The following PHACTR2 variants were observed in gnomAD, a reference collection of about 807,000 sequenced individuals.
PHACTR2 encodes phosphatase and actin regulator 2, also known as chromosome 6 open reading frame 56.
Under a neutral mutation model 76.0 loss-of-function variants are expected in PHACTR2, and 30 were observed. That is an observed-to-expected ratio of 0.39 (90% CI 0.30 to 0.54). The LOEUF (loss-of-function observed/expected upper bound fraction) is 0.54. Among genes scored for constraint, PHACTR2 ranks in the 20% least tolerant of loss-of-function variants. The probability of loss-of-function intolerance (pLI) is 0.61; values close to 1 mark genes in which losing one functional copy is unlikely to be tolerated. For missense variants in PHACTR2, 696 were observed against 781.1 expected, an observed-to-expected ratio of 0.89 and a Z score of 1.30; for synonymous variants, 292 against 292.5, an observed-to-expected ratio of 1.00 and a Z score of 0.02.
chr6:143,600,201 T>A, intron 1 of PHACTR2, among the ~76,000 whole-genome samples: 1 of 152,238 alleles, frequency 6.6e-6, no homozygotes, highest in South Asian at 2.1e-4. Flanking sequence ...AACTGGTGGC[T>A]TGTGGAGAGA....
At chr6:143,644,754 GGTTT>G (rs1422952426) in intron 1 of PHACTR2, among the ~76,000 whole-genome samples, 1 of 150,642 alleles carries the variant, frequency 6.6e-6, no homozygotes, top group Non-Finnish European at 1.5e-5. Context: ...GGCATCTTAG[GGTTT>G]GTTTTTTTTT....
At chr6:143,612,116 A>T (rs1226158114) in intron 1 of PHACTR2, among the ~76,000 whole-genome samples, 1 of 152,212 alleles carries the variant, frequency 6.6e-6, no homozygotes, top group Non-Finnish European at 1.5e-5. Context: ...ATCCACTTAA[A>T]GGATTAAAAA....
intron 1 of PHACTR2, among the ~76,000 whole-genome samples, chr6:143,666,699 T>A (rs768401676): frequency 2.6e-5 from 4 of 152,250 alleles, no homozygotes; most frequent in Non-Finnish European, 5.9e-5. Context: ...TCTGTTCATA[T>A]CCTTTGCCCA....
chr6:143,668,035 T>C (rs138697521), intron 1 of PHACTR2, among the ~76,000 whole-genome samples: 1 of 152,256 alleles, frequency 6.6e-6, no homozygotes, highest in Non-Finnish European at 1.5e-5. Context: ...ATAGCTCTTA[T>C]TATTTTGAGA....
At chr6:143,712,716 A>G in intron 2 of PHACTR2, among the ~76,000 whole-genome samples, 1 of 152,192 alleles carries the variant, frequency 6.6e-6, no homozygotes, top group East Asian at 1.9e-4. Context: ...TGGCTATATG[A>G]AAGAAAAGTT....
At position 143,802,038 on chromosome 6, in the gene PHACTR2, C is replaced by T. The variant is rs17073073; in HGVS notation, c.1846-5019C>T. Among the ~76,000 whole-genome samples the T allele has an allele frequency of 8.2e-3, 1,254 of 152,274 alleles. 38 individuals carry two copies. The highest frequency in any genetic ancestry group is 0.066 in the Admixed American group (1,007 of 15,294). ...CAACAAATCACCTGTTGCTTCTTCC[C>T]GGCATAACGCCTGAGCTGACTGGGA... is the stretch of plus-strand genomic sequence containing the variant. On this transcript the variant is annotated intron_variant, in intron 11 of 12. Coordinates refer to ENST00000440869, the MANE Select transcript of PHACTR2 (RefSeq NM_001100164.2).
At position 143,537,728 on chromosome 6, in the gene PHACTR2, C is replaced by T. The variant is rs1781131166; in HGVS notation, c.217+521C>T. Among the ~76,000 whole-genome samples, 1 of 152,136 alleles carries T rather than the reference C, an allele frequency of 6.6e-6. No homozygotes were observed. On this transcript the variant is annotated intron_variant, in intron 1 of 11. Transcript: ENST00000367584. This position sits in a 1 kb window ranked among gnomAD's most constrained non-coding sequence, Gnocchi z 4.4. ...AGGACCCGGGATATGAGTTTTTCCT[C>T]CTTGCAAAAACCCATGAGGTTAATG...
intron 2 of PHACTR2, among the ~76,000 whole-genome samples, chr6:143,715,980 T>A (rs1023575597): frequency 1.3e-5 from 2 of 152,220 alleles, no homozygotes; most frequent in African/African-American, 4.8e-5. Context: ...TATGCTTATT[T>A]GTAGCTAGCT....
chr6:143,791,994 T>G lies in PHACTR2; in HGVS notation c.1845+3084T>G, dbSNP rs946602823. On this transcript the variant is annotated intron_variant, in intron 11 of 12. Coordinates refer to ENST00000440869, the MANE Select transcript of PHACTR2 (RefSeq NM_001100164.2). This position sits in a 1 kb window ranked among gnomAD's most constrained non-coding sequence, Gnocchi z 4.7. ...CCAGCTTGCAATTTTTTGTTTGTCC[T>G]TGGAGGGTCAGATATTCTAGCTTAC... Among the ~76,000 whole-genome samples, 32 of 152,296 alleles carry G rather than the reference T, an allele frequency of 2.1e-4. No homozygotes were observed. Among genetic ancestry groups the G allele is most frequent in the African/African-American group, 6.0e-4 (25 of 41,556 alleles).
At chr6:143,545,600 G>A (rs1430260828) in intron 1 of PHACTR2, among the ~76,000 whole-genome samples, 3 of 152,150 alleles carry the variant, frequency 2.0e-5, no homozygotes, top group Non-Finnish European at 2.9e-5. Flanking sequence ...TCAGAAGAGT[G>A]GAGTAATCCA....
rs1033434421 is a variant in PHACTR2, at chr6:143,825,530, T to A, written c.*1841T>A. On this transcript the variant is annotated 3_prime_UTR_variant, in exon 13 of 13. Transcript: ENST00000440869. This position sits in a 1 kb window ranked among gnomAD's most constrained non-coding sequence, Gnocchi z 4.1. Reference sequence around the variant, plus strand: ...AGACAAATTTTTTGCTTTGAAAAAATTTTTCTGCATGCCCAGGTGTCTGTC... The same window carrying A: ...AGACAAATTTTTTGCTTTGAAAAAAATTTTCTGCATGCCCAGGTGTCTGTC... 2.6e-5 allele frequency: 4 copies of A among 152,074 alleles called. No homozygotes were observed. Among genetic ancestry groups the A allele is most frequent in the Admixed American group, 6.6e-5 (1 of 15,264 alleles). 9.4% of individuals were successfully genotyped at this position (152,074 alleles called of 1,614,324 possible).
chr6:143,666,489 C>T (rs757246479), intron 1 of PHACTR2, among the ~76,000 whole-genome samples: 3 of 152,198 alleles, frequency 2.0e-5, no homozygotes, highest in Middle Eastern at 3.2e-3. Flanking sequence ...TTTACATGCC[C>T]AACAACAGTG....
At position 143,791,715 on chromosome 6, in the gene PHACTR2, T is replaced by A. The variant is rs1337234163; in HGVS notation, c.1845+2805T>A. Among the ~76,000 whole-genome samples the A allele has an allele frequency of 6.6e-6, 1 of 152,302 alleles. No individual in the cohort carries two copies. The highest frequency in any genetic ancestry group is 1.9e-4 in the East Asian group (1 of 5,194). On this transcript the variant is annotated intron_variant, in intron 11 of 12. Coordinates refer to ENST00000440869, the MANE Select transcript of PHACTR2 (RefSeq NM_001100164.2). This position sits in a 1 kb window ranked among gnomAD's most constrained non-coding sequence, Gnocchi z 4.7. ...GGATTTTTTTTTTTACTTCTCCTTA[T>A]AATTCTGTTAATTTTGCTTCATTTA...
At chr6:143,706,801 CCTTAGAAACCATGATCCAAG>C (rs1375141981) in intron 1 of PHACTR2, among the ~76,000 whole-genome samples, 1 of 152,182 alleles carries the variant, frequency 6.6e-6, no homozygotes, top group East Asian at 1.9e-4. Context: ...CACTTGGCTG[CCTTAGAAACCATGATCCAAG>C]CTCATCTGTG....
At position 143,739,128 on chromosome 6, in the gene PHACTR2, G is replaced by C. The variant is rs1025496694; in HGVS notation, c.215-9857G>C. Among the ~76,000 whole-genome samples the C allele has an allele frequency of 1.3e-5, 2 of 152,132 alleles. No individual in the cohort carries two copies. The highest frequency in any genetic ancestry group is 4.8e-5 in the African/African-American group (2 of 41,410). On this transcript the variant is annotated intron_variant, in intron 2 of 12. Coordinates refer to ENST00000440869, the MANE Select transcript of PHACTR2 (RefSeq NM_001100164.2). The surrounding 1 kb of genome is among the most constrained non-coding windows in gnomAD (Gnocchi z 4.3). ...TCCCGAGGCTGGAGTGCAGTGGCAC[G>C]GTTTTGGCTCACTGCAAGCTCCGCC...
In PHACTR2 at chr6:143,767,459, G is replaced by C. The variant is rs532897532; in HGVS notation, c.1232+1661G>C. On this transcript the variant is annotated intron_variant, in intron 6 of 12. Coordinates refer to ENST00000440869, the MANE Select transcript of PHACTR2 (RefSeq NM_001100164.2). This position sits in a 1 kb window ranked among gnomAD's most constrained non-coding sequence, Gnocchi z 4.4. ...AATTACAAATTAATTTATTTTCTTTGTTTGACATTTTAATAAAAGATATGG... is the reference window on the plus strand; with the variant it reads ...AATTACAAATTAATTTATTTTCTTTCTTTGACATTTTAATAAAAGATATGG... 2.6e-5 allele frequency among the ~76,000 whole-genome samples: 4 copies of C among 152,184 alleles called. No homozygotes were observed. The South Asian group carries it at 8.3e-4, about 32-fold the overall frequency.
chr6:143,811,937 A>G lies in PHACTR2; in HGVS notation c.1922+4804A>G, dbSNP rs973841183. On this transcript the variant is annotated intron_variant, in intron 12 of 12. Coordinates refer to ENST00000440869, the MANE Select transcript of PHACTR2 (RefSeq NM_001100164.2). This position sits in a 1 kb window ranked among gnomAD's most constrained non-coding sequence, Gnocchi z 4.1. ...TCTTGGGGAAAATAAACACCTTATG[A>G]ATCATTACCTTGCCCTTTCAATGCA... 6.6e-6 allele frequency among the ~76,000 whole-genome samples: 1 copy of G among 152,178 alleles called. No homozygotes were observed. The highest frequency in any genetic ancestry group is 2.4e-5 in the African/African-American group (1 of 41,446).
intron 1 of PHACTR2, among the ~76,000 whole-genome samples, chr6:143,694,963 C>G (rs1582780201): frequency 6.6e-6 from 1 of 152,200 alleles, no homozygotes; most frequent in Non-Finnish European, 1.5e-5. Context: ...ACACCCACCT[C>G]CTCTAGGTTC....
rs1024782448 is a variant in PHACTR2, at chr6:143,664,472, T to A, written c.14-47544T>A. On this transcript the variant is annotated intron_variant, in intron 1 of 11. Coordinates refer to the PHACTR2 transcript ENST00000305766. This position sits in a 1 kb window ranked among gnomAD's most constrained non-coding sequence, Gnocchi z 5.1. ...TCTTTTTAAGCATGCTCTTCTTCAATTTTCTTTCATTTTCTCATTATTTGG... is the reference window on the plus strand; with the variant it reads ...TCTTTTTAAGCATGCTCTTCTTCAAATTTCTTTCATTTTCTCATTATTTGG... Among the ~76,000 whole-genome samples the A allele has an allele frequency of 6.6e-6, 1 of 152,150 alleles. No homozygotes were observed. Among genetic ancestry groups the A allele is most frequent in the Non-Finnish European group, 1.5e-5 (1 of 68,018 alleles).
Sources: gnomAD v4.1 joint callset for allele counts (sites outside exome capture counted in the v4.1 genomes callset) on GRCh38, gnomAD v4.1.1 for gene constraint, Gnocchi (gnomAD v3.1) non-coding constraint, MANE v1.5 for transcripts, NCBI Gene and HGNC (gene_info 2026-07-23, HGNC 2026-07-21) for gene names.